The following AKAP19 variants were observed in gnomAD, a reference collection of about 807,000 sequenced individuals.
AKAP19 encodes the protein small A-kinase anchoring protein.
chr2:190,107,268 A>G, the AKAP19 span, among the ~76,000 whole-genome samples: 3 of 152,210 alleles, frequency 2.0e-5, no homozygotes, highest in Non-Finnish European at 4.4e-5. Context: ...CTCTCAGACT[A>G]TGTCTTTATC....
At chr2:189,992,125 C>A in the AKAP19 span, among the ~76,000 whole-genome samples, 1 of 151,548 alleles carries the variant, frequency 6.6e-6, no homozygotes, top group African/African-American at 2.4e-5. Context: ...TCTCTGCTCA[C>A]CACAACCTCC....
chr2:190,086,935 T>A, the AKAP19 span, among the ~76,000 whole-genome samples: 5 of 152,318 alleles, frequency 3.3e-5, no homozygotes, highest in East Asian at 9.6e-4. Flanking sequence ...CAGTCTCAGC[T>A]TCCATTCAAA....
At chr2:190,044,507 G>A in the AKAP19 span, among the ~76,000 whole-genome samples, 1 of 152,172 alleles carries the variant, frequency 6.6e-6, no homozygotes, top group South Asian at 2.1e-4. Context: ...GGTGTCAAGG[G>A]CAGTTCTACT....
At chr2:190,187,107 G>A in the AKAP19 span, among the ~76,000 whole-genome samples, 4 of 151,472 alleles carry the variant, frequency 2.6e-5, no homozygotes, top group East Asian at 7.8e-4. Flanking sequence ...ATGTTTTAAT[G>A]AATTGGTATT....
chr2:190,086,888 G>A, the AKAP19 span, among the ~76,000 whole-genome samples: 96 of 152,208 alleles, frequency 6.3e-4, no homozygotes, highest in East Asian at 0.017. Flanking sequence ...TTCCTTGTTG[G>A]TTCAGTGCCT....
At chr2:189,927,392 C>T in the AKAP19 span, among the ~76,000 whole-genome samples, 5 of 152,082 alleles carry the variant, frequency 3.3e-5, no homozygotes, top group Non-Finnish European at 2.9e-5. Flanking sequence ...AACAGTTGAA[C>T]ATTCACATTT....
the AKAP19 span, among the ~76,000 whole-genome samples, chr2:190,009,574 A>G: frequency 6.6e-6 from 1 of 152,242 alleles, no homozygotes; most frequent in Non-Finnish European, 1.5e-5. Context: ...AGGAAAGATT[A>G]GGAATTTGAT....
At chr2:189,967,625 A>C in the AKAP19 span, among the ~76,000 whole-genome samples, 3 of 152,310 alleles carry the variant, frequency 2.0e-5, no homozygotes, top group East Asian at 5.8e-4. Context: ...ATTTAGAAGC[A>C]AAATGATCCT....
the AKAP19 span, chr2:190,060,512 AT>A: frequency 7.6e-6 from 10 of 1,316,716 alleles, no homozygotes; most frequent in Non-Finnish European, 1.0e-5. Context: ...ATAGTTGAGC[AT>A]TTTTTTAAAT....
At chr2:189,966,624 G>A in the AKAP19 span, among the ~76,000 whole-genome samples, 6 of 152,148 alleles carry the variant, frequency 3.9e-5, no homozygotes, top group African/African-American at 7.2e-5. Flanking sequence ...TTCTGGTGGC[G>A]GTTAGACAAA....
the AKAP19 span, among the ~76,000 whole-genome samples, chr2:189,884,000 A>G: frequency 7.2e-5 from 11 of 152,312 alleles, no homozygotes; most frequent in Admixed American, 2.0e-4. Flanking sequence ...TTTCTAGTTA[A>G]CATTTACACC....
At chr2:189,993,848 G>A in the AKAP19 span, among the ~76,000 whole-genome samples, 5 of 151,948 alleles carry the variant, frequency 3.3e-5, no homozygotes, top group East Asian at 1.9e-4. Context: ...GGGGTTGGTC[G>A]TAATACCTCC....
At chr2:190,029,055 A>ATT in the AKAP19 span, among the ~76,000 whole-genome samples, 4 of 144,702 alleles carry the variant, frequency 2.8e-5, no homozygotes, top group African/African-American at 7.6e-5. Flanking sequence ...ACCTGTAAGG[A>ATT]TTTTTTTTTT....
the AKAP19 span, among the ~76,000 whole-genome samples, chr2:189,948,064 T>C: frequency 6.6e-6 from 1 of 152,166 alleles, no homozygotes; most frequent in Non-Finnish European, 1.5e-5. Flanking sequence ...TTACCTCCTG[T>C]GAGACTTATC....
chr2:189,926,317 C>T, the AKAP19 span, among the ~76,000 whole-genome samples: 5 of 152,150 alleles, frequency 3.3e-5, no homozygotes, highest in East Asian at 3.9e-4. Context: ...TTTTTTGAGA[C>T]GGAGTCTCAC....
At chr2:189,991,949 A>G in the AKAP19 span, among the ~76,000 whole-genome samples, 1 of 152,070 alleles carries the variant, frequency 6.6e-6, no homozygotes, top group Non-Finnish European at 1.5e-5. Flanking sequence ...TTTGTTGAAT[A>G]GGGTGTCCTT....
the AKAP19 span, among the ~76,000 whole-genome samples, chr2:190,168,406 AC>A: frequency 1.3e-5 from 2 of 149,532 alleles, no homozygotes; most frequent in Non-Finnish European, 1.5e-5. Flanking sequence ...GAGACATTCC[AC>A]CCCCACCCCC....
chr2:190,028,051 TCTC>T, the AKAP19 span, among the ~76,000 whole-genome samples: 1 of 152,144 alleles, frequency 6.6e-6, no homozygotes, highest in Admixed American at 6.6e-5. Flanking sequence ...TTTATTATAT[TCTC>T]CTGCTCTCTG....
chr2:190,147,837 A>C, the AKAP19 span, among the ~76,000 whole-genome samples: 4 of 152,020 alleles, frequency 2.6e-5, no homozygotes, highest in African/African-American at 9.7e-5. Context: ...TAGAAGAGCT[A>C]CTGATTTGTG....
Sources: gnomAD v4.1 joint callset for allele counts (sites outside exome capture counted in the v4.1 genomes callset) on GRCh38, gnomAD v4.1.1 for gene constraint, MANE v1.5 for transcripts, NCBI Gene and HGNC (gene_info 2026-07-23, HGNC 2026-07-21) for gene names.